Variants in KLF12 observed in about 807,000 individuals in gnomAD.
KLF12 encodes the protein KLF transcription factor 12.
Under a neutral mutation model 37.8 loss-of-function variants are expected in KLF12, and 9 were observed. That is an observed-to-expected ratio of 0.24 (90% confidence interval 0.14 to 0.42). The LOEUF is 0.42. Ranked by LOEUF, KLF12 falls within the 10% of genes least tolerant of loss-of-function variation. The pLI, the probability that KLF12 is intolerant of heterozygous loss-of-function variation, is 1.00. For missense variants in KLF12, 411 were observed against 516.0 expected (o/e 0.80, Z 1.97); for synonymous variants, 208 against 202.1 (o/e 1.03, Z -0.25).
intron 4 of KLF12, among the ~76,000 whole-genome samples, chr13:73,826,763 T>TACACAC (rs59262711): frequency 0.21 from 30,989 of 149,326 alleles, 3,524 homozygotes; most frequent in East Asian, 0.43. Context: ...ATATCATATC[T>TACACAC]ACACACACAC....
intron 5 of KLF12, among the ~76,000 whole-genome samples, chr13:73,805,808 T>C (rs941990181): frequency 2.6e-5 from 4 of 152,190 alleles, no homozygotes; most frequent in Non-Finnish European, 5.9e-5. Context: ...GCATAAAGTT[T>C]TTTTTCTTCT....
At chr13:74,011,398 T>G (rs1211516703) in intron 1 of KLF12, among the ~76,000 whole-genome samples, 3 of 152,176 alleles carry the variant, frequency 2.0e-5, no homozygotes, top group Admixed American at 6.5e-5. Flanking sequence ...TAGTGCAATT[T>G]AAGTTGTTCT....
intron 1 of KLF12, among the ~76,000 whole-genome samples, chr13:74,034,073 T>C (rs1436613010): frequency 6.6e-6 from 1 of 152,184 alleles, no homozygotes; most frequent in Admixed American, 6.5e-5. Flanking sequence ...GTTTTGTTTT[T>C]GTTTTTTGAG....
intron 1 of KLF12, among the ~76,000 whole-genome samples, chr13:74,012,170 G>C (rs1489576804): frequency 6.6e-6 from 1 of 152,202 alleles, no homozygotes; most frequent in Non-Finnish European, 1.5e-5. Flanking sequence ...TAATTGTGCA[G>C]AATGTATTTG....
chr13:74,060,234 T>C (rs1426109181), intron 1 of KLF12, among the ~76,000 whole-genome samples: 1 of 152,150 alleles, frequency 6.6e-6, no homozygotes, highest in Non-Finnish European at 1.5e-5. Flanking sequence ...ATTGTTTTGG[T>C]TGCTCGTGGT....
At chr13:74,216,846 T>C in the KLF12 span, among the ~76,000 whole-genome samples, 1 of 152,218 alleles carries the variant, frequency 6.6e-6, no homozygotes, top group African/African-American at 2.4e-5. Flanking sequence ...TGTGATTTAT[T>C]GACAATGAAT....
At chr13:74,234,426 G>A in the KLF12 span, among the ~76,000 whole-genome samples, 2 of 152,212 alleles carry the variant, frequency 1.3e-5, no homozygotes, top group East Asian at 3.9e-4. Context: ...TTCATCATCT[G>A]TAAAGCTTGG....
In KLF12 at chr13:73,780,862, G is replaced by A. The variant is rs559366437; in HGVS notation, c.807-15862C>T. 1.5e-4 allele frequency among the ~76,000 whole-genome samples: 23 copies of A among 152,358 alleles called. No homozygotes were observed. The East Asian group carries it at 4.4e-3, about 29-fold the overall frequency. ...TGCTGAAATGACAACAAAGGATTTA[G>A]AAGATTACACAAACTTAGTGGATAA... On this transcript the variant is annotated intron_variant, in intron 5 of 7. Transcript: ENST00000377669.
the KLF12 span, among the ~76,000 whole-genome samples, chr13:74,228,369 T>C: frequency 1.3e-5 from 2 of 152,098 alleles, no homozygotes; most frequent in African/African-American, 2.4e-5. Flanking sequence ...ACATGTTAGG[T>C]TTTAAAATAA....
chr13:73,849,611 C>A (rs1234227865), intron 3 of KLF12, among the ~76,000 whole-genome samples: 1 of 151,908 alleles, frequency 6.6e-6, no homozygotes, highest in Non-Finnish European at 1.5e-5. Flanking sequence ...CAGGAACCAG[C>A]CTCAAAGGGG....
At chr13:73,765,095 A>G in intron 5 of KLF12, 95 bp from the exon 6 acceptor site, 1 of 709,262 alleles carries the variant, frequency 1.4e-6, no homozygotes, top group South Asian at 1.9e-5. Context: ...TTTCTTTTAG[A>G]ATTGCTTAAT....
At chr13:73,923,121 A>AT (rs200890009) in intron 3 of KLF12, among the ~76,000 whole-genome samples, 2,920 of 152,198 alleles carry the variant, frequency 0.019, 44 homozygotes, top group Non-Finnish European at 0.029. Context: ...CAGTTCAAGT[A>AT]TTTTTTTTAT....
intron 6 of KLF12, among the ~76,000 whole-genome samples, chr13:73,754,113 GA>G (rs1878978676): frequency 6.6e-6 from 1 of 152,032 alleles, no homozygotes. Context: ...CCTTCACATA[GA>G]ATACGATGTG....
chr13:74,219,192 G>T, the KLF12 span, among the ~76,000 whole-genome samples: 1 of 152,180 alleles, frequency 6.6e-6, no homozygotes, highest in East Asian at 1.9e-4. Context: ...CCGACCTTAA[G>T]TGATCATCCT....
the KLF12 span, among the ~76,000 whole-genome samples, chr13:74,221,068 T>G: frequency 3.7e-4 from 56 of 151,330 alleles, no homozygotes; most frequent in East Asian, 2.3e-3. Context: ...GCAGTGGTGC[T>G]ATCTCGGCTC....
the KLF12 span, among the ~76,000 whole-genome samples, chr13:74,183,773 A>C: frequency 6.6e-6 from 1 of 151,890 alleles, no homozygotes; most frequent in Non-Finnish European, 1.5e-5. Context: ...CCGTCTCTAC[A>C]AAAAAATGCA....
At chr13:73,988,660 C>T (rs1189365133) in intron 2 of KLF12, among the ~76,000 whole-genome samples, 1 of 152,152 alleles carries the variant, frequency 6.6e-6, no homozygotes, top group Non-Finnish European at 1.5e-5. Context: ...AGTCCCCAGT[C>T]AGACCCCAAC....
At chr13:74,005,201 T>C (rs1243881484) in intron 1 of KLF12, among the ~76,000 whole-genome samples, 1 of 152,080 alleles carries the variant, frequency 6.6e-6, no homozygotes, top group East Asian at 1.9e-4. Context: ...ACAATCTCAA[T>C]AAGGTAACCA....
Position 74,129,868 on chromosome 13 carries a change from T to C in KLF12, c.-32+3871A>G, listed in dbSNP as rs114947018. 3.3e-3 allele frequency among the ~76,000 whole-genome samples: 498 copies of C among 152,196 alleles called. 1 individual carries two copies. The highest frequency in any genetic ancestry group is 0.011 in the African/African-American group (459 of 41,514). ...CCTTTTGTAACATAATTACTGACAA[T>C]ATAGAGAGAAAGTAACCATTTAATC... On this transcript the variant is annotated intron_variant, in intron 1 of 7. Coordinates refer to ENST00000377669, the MANE Select transcript of KLF12 (RefSeq NM_007249.5).
Sources: gnomAD v4.1 joint callset for allele counts (sites outside exome capture counted in the v4.1 genomes callset) on GRCh38, gnomAD v4.1.1 for gene constraint, MANE v1.5 for transcripts, NCBI Gene and HGNC (gene_info 2026-07-23, HGNC 2026-07-21) for gene names.